The following ATP8B2 variants were observed in gnomAD, a reference collection of about 807,000 sequenced individuals.
ATP8B2 encodes the protein ATPase phospholipid transporting 8B2.
Under a neutral mutation model 133.4 loss-of-function variants are expected in ATP8B2, and 70 were observed. That is an observed-to-expected ratio of 0.52 (90% CI 0.43 to 0.64). The LOEUF is 0.64. Ranked by LOEUF, ATP8B2 falls within the 30% of genes least tolerant of loss-of-function variation. The pLI is 0.00. For missense variants in ATP8B2, 1,101 were observed against 1,535.7 expected, an observed-to-expected ratio of 0.72 and a Z score of 4.73; for synonymous variants, 517 against 589.5, an observed-to-expected ratio of 0.88 and a Z score of 1.78.
rs1686363030 is a variant in ATP8B2, at chr1:154,341,063, G to C, written c.1243+1G>C. On this transcript the variant is annotated splice_donor_variant, in intron 13 of 27. Coordinates refer to ENST00000368489, the MANE Select transcript of ATP8B2 (RefSeq NM_001370597.1). LOFTEE classifies it high-confidence loss of function. ...TGCTCCATCAATGGCCACAGCTATG[G>C]TATGGTGGCACCACTGGGGACTGGG... 6.2e-7 allele frequency: 1 copy of C among 1,614,118 alleles called. No individual in the cohort carries two copies. Among genetic ancestry groups the C allele is most frequent in the Non-Finnish European group, 8.5e-7 (1 of 1,179,968 alleles).
At chr1:154,333,500 T>A (rs1342609514) in intron 9 of ATP8B2, among the ~76,000 whole-genome samples, 1 of 113,720 alleles carries the variant, frequency 8.8e-6, no homozygotes, top group Non-Finnish European at 1.8e-5. Flanking sequence ...TGAGACACTG[T>A]CTCAAAAAAA....
At chr1:154,341,728 G>T (rs1340898751) in intron 13 of ATP8B2, 6 of 153,418 alleles carry the variant, frequency 3.9e-5, no homozygotes, top group Non-Finnish European at 8.6e-5. Flanking sequence ...AGGAGGTGGA[G>T]GTTACAGTGA....
Position 154,344,944 on chromosome 1 carries a change from G to A in ATP8B2, c.2287-27G>A, listed in dbSNP as rs1686530233. On this transcript the variant is annotated intron_variant, in intron 21 of 27. Transcript: ENST00000368489. The surrounding 1 kb of genome is among the most constrained non-coding windows in gnomAD (Gnocchi z 4.1). Reference sequence around the variant, plus strand: ...TCCCAGGTGTCTCCTGGAAAGACTGGCTCTCTCAGGTTTCTCTGTGCTCCA... The same window carrying A: ...TCCCAGGTGTCTCCTGGAAAGACTGACTCTCTCAGGTTTCTCTGTGCTCCA... The A allele has an allele frequency of 6.3e-7, 1 of 1,594,194 alleles. No individual in the cohort carries two copies. Among genetic ancestry groups the A allele is most frequent in the Admixed American group, 1.7e-5 (1 of 58,004 alleles).
rs1491174657 is a variant in ATP8B2, at chr1:154,337,118, TTA to T, written c.838-227_838-226del. On this transcript the variant is annotated intron_variant, in intron 11 of 27. Transcript: ENST00000368489. ...CAGCCCATAATAGTTTTTTTTTTTTTTATAATTATTTTTCATTTAACATTCAG... is the reference window on the plus strand; with the variant it reads ...CAGCCCATAATAGTTTTTTTTTTTTTTAATTATTTTTCATTTAACATTCAG... Among the ~76,000 whole-genome samples, 684 of 81,326 alleles carry T rather than the reference TTA, an allele frequency of 8.4e-3. 1 individual carries two copies. Among genetic ancestry groups the T allele is most frequent in the East Asian group, 0.068 (135 of 1,980 alleles). The allele number at this position is 81,326 out of a possible 152,430, so 53.4% of individuals were successfully genotyped here.
rs182212267 is a variant in ATP8B2, at chr1:154,329,025, G to A, written c.31+853G>A. 2.5e-5 allele frequency: 33 copies of A among 1,303,774 alleles called. No individual in the cohort carries two copies. The African/African-American group carries it at 4.2e-4, about 17-fold the overall frequency. The allele number at this position is 1,303,774 out of a possible 1,614,324, so 80.8% of individuals were successfully genotyped here. On this transcript the variant is annotated intron_variant, in intron 2 of 27. Transcript: ENST00000368489. Reference sequence around the variant, plus strand: ...AAGGAGATGCCCGAGAAGTGGGCCCGGGCCCAGGCGCCTCCCTCTTGGAGC... The same window carrying A: ...AAGGAGATGCCCGAGAAGTGGGCCCAGGCCCAGGCGCCTCCCTCTTGGAGC...
Position 154,346,269 on chromosome 1 carries a change from G to A in ATP8B2, c.2817G>A (p.Leu939=), listed in dbSNP as rs1488945803. 1.2e-6 allele frequency: 2 copies of A among 1,614,036 alleles called. No homozygotes were observed. The highest frequency in any genetic ancestry group is 2.2e-5 in the East Asian group (1 of 44,894). The change falls in exon 25 of 28, where the codon CTG becomes CTA. Residue 939 remains leucine, a synonymous_variant. Transcript: ENST00000368489. This position sits in a 1 kb window ranked among gnomAD's most constrained non-coding sequence, Gnocchi z 4.5. ...AGCGGAGCATGGAGTACCCTAAGCT[G>A]TATGAGCCGGGCCAGCTGAACCTTC... is the stretch of plus-strand genomic sequence containing the variant. ...PEQRSMEYPK[L]YEPGQLNLLF...
Position 154,344,910 on chromosome 1 carries a change from A to T in ATP8B2, c.2287-61A>T. 1.3e-6 allele frequency: 2 copies of T among 1,558,142 alleles called. No individual in the cohort carries two copies. The highest frequency in any genetic ancestry group is 2.4e-5 in the South Asian group (2 of 83,350). ...ACTGGTCTCAAAGGGGACTGGGAGG[A>T]GCTGAGACTCCCAGGTGTCTCCTGG... On this transcript the variant is annotated intron_variant, in intron 21 of 27. Coordinates refer to ENST00000368489, the MANE Select transcript of ATP8B2 (RefSeq NM_001370597.1). This position sits in a 1 kb window ranked among gnomAD's most constrained non-coding sequence, Gnocchi z 4.1.
chr1:154,342,316 C>T (rs1686413210), intron 13 of ATP8B2, among the ~76,000 whole-genome samples, 164 bp from the exon 14 acceptor site: 1 of 151,744 alleles, frequency 6.6e-6, no homozygotes, highest in Non-Finnish European at 1.5e-5. Flanking sequence ...CCTCCTATCC[C>T]GCGAGTCAGC....
intron 12 of ATP8B2, chr1:154,338,754 C>T (rs985902067): frequency 4.6e-5 from 7 of 152,178 alleles, no homozygotes; most frequent in African/African-American, 1.7e-4. Context: ...AGTGTTACAG[C>T]TCTTTTAGAA....
intron 27 of ATP8B2, 148 bp from the exon 28 acceptor site, chr1:154,348,692 A>G: frequency 7.2e-7 from 1 of 1,394,006 alleles, no homozygotes; most frequent in African/African-American, 1.4e-5. Flanking sequence ...GCAGCTGGCC[A>G]CAGAGGCCTC....
chr1:154,336,556 C>T (rs1018099558), intron 11 of ATP8B2, among the ~76,000 whole-genome samples: 11 of 149,508 alleles, frequency 7.4e-5, no homozygotes, highest in Admixed American at 4.0e-4. Flanking sequence ...GGCATTATCT[C>T]GGCTCACTGC....
chr1:154,330,315 A>G, intron 2 of ATP8B2, 81 bp from the exon 3 acceptor site: 7 of 1,290,970 alleles, frequency 5.4e-6, no homozygotes, highest in Admixed American at 3.9e-5. Context: ...TATTCTGTGG[A>G]AAAAAACAGG....
rs767881094 is a variant in ATP8B2 at position 154,345,934 on chromosome 1, A to T, written c.2778+51A>T. 6.7e-7 allele frequency: 1 copy of T among 1,491,570 alleles called. No homozygotes were observed. The highest frequency in any genetic ancestry group is 1.1e-5 in the South Asian group (1 of 88,240). The allele number at this position is 1,491,570 out of a possible 1,614,324, so 92.4% of individuals were successfully genotyped here. On this transcript the variant is annotated intron_variant, in intron 24 of 27. Coordinates refer to ENST00000368489, the MANE Select transcript of ATP8B2 (RefSeq NM_001370597.1). The surrounding 1 kb of genome is among the most constrained non-coding windows in gnomAD (Gnocchi z 5.6). ...GGGATGCGGGGAAGGTCACTGCTTG[A>T]AGGAGTCACATAGACGTGGTGTGTG...
rs1686574223 is a variant in ATP8B2 at position 154,346,158 on chromosome 1, G to A, written c.2779-73G>A. 1 of 1,564,732 alleles carries A rather than the reference G, an allele frequency of 6.4e-7. No homozygotes were observed. Among genetic ancestry groups the A allele is most frequent in the African/African-American group, 1.4e-5 (1 of 74,018 alleles). On this transcript the variant is annotated intron_variant, in intron 24 of 27. Coordinates refer to ENST00000368489, the MANE Select transcript of ATP8B2 (RefSeq NM_001370597.1). This position sits in a 1 kb window ranked among gnomAD's most constrained non-coding sequence, Gnocchi z 4.5. ...AGGAGGAGGCAGGGACAGAGTCAGA[G>A]TCTGCCCTTGGTCATCCAGGGTCAA...
Position 154,344,327 on chromosome 1 carries a change from C to T in ATP8B2, c.2036-68C>T, listed in dbSNP as rs1374425436. On this transcript the variant is annotated intron_variant, in intron 19 of 27. Transcript: ENST00000368489. This position sits in a 1 kb window ranked among gnomAD's most constrained non-coding sequence, Gnocchi z 4.1. ...TTGGACCCTTGCATGGAGCCGAGGA[C>T]ATCAGGCAGGCAAGTGTGCTGACCT... 6.2e-7 allele frequency: 1 copy of T among 1,614,104 alleles called. No individual in the cohort carries two copies. The highest frequency in any genetic ancestry group is 1.1e-5 in the South Asian group (1 of 91,084).
chr1:154,348,436 C>G lies in ATP8B2; in HGVS notation c.3192C>G (p.Pro1064=), dbSNP rs369703646. 3 of 1,611,812 alleles carry G rather than the reference C, an allele frequency of 1.9e-6. No homozygotes were observed. The African/African-American group carries it at 4.0e-5, about 22-fold the overall frequency. The change falls in exon 27 of 28, where the codon CCC becomes CCG. Residue 1064 remains proline (P), a synonymous_variant. Coordinates refer to ENST00000368489, the MANE Select transcript of ATP8B2 (RefSeq NM_001370597.1). ...ATGCCCAGAACACCTTGGCCCAGCC[C>G]ACGGTGTGGCTGACCATTGTGCTCA... ...VGNAQNTLAQ[P]TVWLTIVLTT...
rs760719979 is a variant in ATP8B2, at chr1:154,345,020, G to A, written c.2336G>A (p.Cys779Tyr). The stretch of plus-strand genomic sequence containing the variant: ...GAGCTGGAGTTTCTGGAGACAGCGT[G>A]TGCCTGCAAAGCTGTCATCTGCTGC... ...DMELEFLETACACKAVICCRV... is the reference protein window; with the variant it reads ...DMELEFLETAYACKAVICCRV... Residue 779 changes from cysteine (C) to tyrosine (Y), a missense_variant, in exon 22 of 28, where the codon TGT becomes TAT. By Grantham distance (194) the Cys-to-Tyr change is radical. Transcript: ENST00000368489. The surrounding 1 kb of genome is among the most constrained non-coding windows in gnomAD (Gnocchi z 5.6). The A allele has an allele frequency of 1.7e-5, 27 of 1,614,078 alleles. No homozygotes were observed. Among genetic ancestry groups the A allele is most frequent in the Non-Finnish European group, 3.4e-6 (4 of 1,180,044 alleles).
rs1448549009 is a variant in ATP8B2, at chr1:154,346,388, C to G, written c.2936C>G (p.Ala979Gly). 6.2e-7 allele frequency: 1 copy of G among 1,614,176 alleles called. No homozygotes were observed. Among genetic ancestry groups the G allele is most frequent in the East Asian group, 2.2e-5 (1 of 44,890 alleles). Residue 979 changes from alanine to glycine, a missense_variant, in exon 25 of 28, where the codon GCC becomes GGC. Physicochemically the swap from Ala to Gly is moderately conservative, Grantham distance 60 (BLOSUM62 0). Transcript: ENST00000368489. This position sits in a 1 kb window ranked among gnomAD's most constrained non-coding sequence, Gnocchi z 4.5. ...FFIPYGVFAD[A>G]TRDDGTQLAD... ...ATTCCCTATGGGGTGTTTGCTGATG[C>G]CACCCGGGATGATGGCACTCAGCTG...
At position 154,340,873 on chromosome 1, in the gene ATP8B2, G is replaced by T; in HGVS notation, c.1054G>T (p.Gly352Cys). 1 of 1,614,120 alleles carries T rather than the reference G, an allele frequency of 6.2e-7. No individual in the cohort carries two copies. The highest frequency in any genetic ancestry group is 1.1e-5 in the South Asian group (1 of 91,078). The change falls in exon 13 of 28, where the codon GGC becomes TGC. Residue 352 changes from glycine (G) to cysteine (C), a missense_variant. Physicochemically the swap from Gly to Cys is radical, Grantham distance 159 (BLOSUM62 -3). Coordinates refer to ENST00000368489, the MANE Select transcript of ATP8B2 (RefSeq NM_001370597.1). The surrounding 1 kb of genome is among the most constrained non-coding windows in gnomAD (Gnocchi z 4.0). ...LYVSVEVIRL[G>C]HSYFINWDKK... ...GTGCAGTGTGGAGGTCATCCGTCTGGGCCACAGCTACTTCATCAACTGGGA... is the reference window on the plus strand; with the variant it reads ...GTGCAGTGTGGAGGTCATCCGTCTGTGCCACAGCTACTTCATCAACTGGGA...
Sources: gnomAD v4.1 joint callset for allele counts (sites outside exome capture counted in the v4.1 genomes callset) on GRCh38, gnomAD v4.1.1 for gene constraint, Gnocchi (gnomAD v3.1) non-coding constraint, MANE v1.5 for transcripts, NCBI Gene and HGNC (gene_info 2026-07-23, HGNC 2026-07-21) for gene names.